The following RALYL variants were observed in gnomAD, a reference collection of about 807,000 sequenced individuals.
RALYL encodes the protein RALY RNA binding protein like, also known as RNA-binding Raly-like protein.
RALYL carries 29 observed loss-of-function variants against 35.1 expected under a neutral mutation model. The ratio of observed to expected loss-of-function variants is 0.83; its 90% confidence interval spans 0.61 to 1.13. The LOEUF (loss-of-function observed/expected upper bound fraction) is 1.13, where lower values mean the gene tolerates loss of function less well. Ranked by LOEUF, RALYL falls within the 50% of genes most tolerant of loss-of-function variation. RALYL has a pLI of 0.00. For synonymous variants in RALYL, 120 were observed against 127.6 expected (o/e 0.94, Z 0.40); for missense variants, 359 against 360.4 (o/e 1.00, Z 0.03).
At chr8:84,599,820 C>T (rs1421103908) in intron 2 of RALYL, among the ~76,000 whole-genome samples, 1 of 151,380 alleles carries the variant, frequency 6.6e-6, no homozygotes, top group African/African-American at 2.4e-5. Flanking sequence ...CTTTTTAGAT[C>T]TCTTTTTCTT....
At chr8:84,327,841 TA>T (rs1232448337) in intron 1 of RALYL, among the ~76,000 whole-genome samples, 1 of 152,224 alleles carries the variant, frequency 6.6e-6, no homozygotes, top group Non-Finnish European at 1.5e-5. Flanking sequence ...TGCTCTTTTT[TA>T]AATCTTTAAT....
At chr8:84,537,474 CAA>C (rs397978512) in intron 2 of RALYL, among the ~76,000 whole-genome samples, 43 of 84,852 alleles carry the variant, frequency 5.1e-4, no homozygotes, top group Non-Finnish European at 7.0e-4. Context: ...AATCCTGTCT[CAA>C]AAAAAAAAAA....
intron 1 of RALYL, among the ~76,000 whole-genome samples, chr8:84,521,168 G>A (rs1035121321): frequency 6.6e-6 from 1 of 152,070 alleles, no homozygotes; most frequent in Non-Finnish European, 1.5e-5. Context: ...TCCCATAATA[G>A]GAATTGTGCC....
intron 8 of RALYL, among the ~76,000 whole-genome samples, chr8:84,901,906 A>G (rs1426133361): frequency 1.3e-5 from 2 of 152,204 alleles, no homozygotes; most frequent in Admixed American, 6.5e-5. Flanking sequence ...GCCTTAGCAT[A>G]GGTAAATAAG....
chr8:84,361,566 C>G (rs1338207589), intron 1 of RALYL, among the ~76,000 whole-genome samples: 1 of 152,112 alleles, frequency 6.6e-6, no homozygotes, highest in Non-Finnish European at 1.5e-5. Context: ...CATAATTCAT[C>G]TGAAAAGCCA....
intron 1 of RALYL, among the ~76,000 whole-genome samples, chr8:84,281,023 A>G (rs756836234): frequency 3.9e-5 from 6 of 152,130 alleles, no homozygotes; most frequent in Non-Finnish European, 7.4e-5. Context: ...ACCAGGATAG[A>G]TGCTTGTGTG....
At chr8:84,397,093 A>C (rs1204726889) in intron 1 of RALYL, among the ~76,000 whole-genome samples, 1 of 152,172 alleles carries the variant, frequency 6.6e-6, no homozygotes, top group East Asian at 1.9e-4. Flanking sequence ...CCAGAGGATC[A>C]AAGACAGAAG....
At chr8:84,751,228 G>A (rs1356273599) in intron 2 of RALYL, among the ~76,000 whole-genome samples, 1 of 151,696 alleles carries the variant, frequency 6.6e-6, no homozygotes, top group Non-Finnish European at 1.5e-5. Flanking sequence ...TTTTTTTTTA[G>A]ACTGAGTCTC....
At chr8:84,736,652 T>G (rs1369496117) in intron 2 of RALYL, among the ~76,000 whole-genome samples, 2 of 152,084 alleles carry the variant, frequency 1.3e-5, no homozygotes, top group Non-Finnish European at 2.9e-5. Context: ...TTTGAAATGC[T>G]TAGAGGTCTA....
At chr8:84,595,304 G>A (rs976134187) in intron 2 of RALYL, among the ~76,000 whole-genome samples, 2 of 152,112 alleles carry the variant, frequency 1.3e-5, no homozygotes, top group Admixed American at 1.3e-4. Context: ...ATTAAGAGAA[G>A]AGCATTGTTG....
intron 2 of RALYL, among the ~76,000 whole-genome samples, chr8:84,652,549 GA>G (rs151142927): frequency 2.1e-3 from 322 of 152,092 alleles, no homozygotes; most frequent in African/African-American, 7.2e-3. Context: ...TCTGTGCTTA[GA>G]TCCCATTTTT....
chr8:84,528,988 A>T lies in RALYL; in HGVS notation c.-23-311A>T, dbSNP rs545931018. On this transcript the variant is annotated intron_variant, in intron 1 of 8. Transcript: ENST00000521268. ...TGATAGAATAAGGCAGATTTTCCTC[A>T]AACTTTCTTTTGCAAAATAGTTAGA... is the stretch of plus-strand genomic sequence containing the variant. 8.5e-4 allele frequency among the ~76,000 whole-genome samples: 129 copies of T among 152,306 alleles called. 2 individuals carry two copies. In the South Asian group the frequency reaches 8.7e-3, roughly 10 times the overall value.
intron 1 of RALYL, among the ~76,000 whole-genome samples, chr8:84,469,617 G>A (rs898232612): frequency 6.6e-6 from 1 of 152,222 alleles, no homozygotes; most frequent in Non-Finnish European, 1.5e-5. Flanking sequence ...GCCCCCAGAG[G>A]TGGAGCCTAC....
At chr8:84,334,144 C>T (rs1239822978) in intron 1 of RALYL, among the ~76,000 whole-genome samples, 1 of 152,034 alleles carries the variant, frequency 6.6e-6, no homozygotes, top group Non-Finnish European at 1.5e-5. Context: ...TCAGCCTCCC[C>T]AAGTGCTGGG....
chr8:84,655,082 G>A (rs1829698529), intron 2 of RALYL, among the ~76,000 whole-genome samples: 1 of 151,966 alleles, frequency 6.6e-6, no homozygotes, highest in African/African-American at 2.4e-5. Context: ...TTTCCTTTCT[G>A]CTACATGCTC....
At chr8:84,184,771 A>C in intron 1 of RALYL, 6 of 417,422 alleles carry the variant, frequency 1.4e-5, no homozygotes, top group Admixed American at 3.9e-5. Flanking sequence ...AAGTTCTCCG[A>C]GGGCCACTTG....
At chr8:84,889,364 T>G (rs1843441057) in intron 8 of RALYL, among the ~76,000 whole-genome samples, 1 of 152,186 alleles carries the variant, frequency 6.6e-6, no homozygotes. Context: ...CAATGGTTAC[T>G]TCTCTGTTCT....
rs183048180 is a variant in RALYL, at chr8:84,282,700, G to A, written c.-24+98276G>A. Among the ~76,000 whole-genome samples the A allele has an allele frequency of 4.8e-5, 5 of 104,852 alleles. No homozygotes were observed. The East Asian group carries it at 1.4e-3, about 30-fold the overall frequency. The allele number at this position is 104,852 out of a possible 152,430, so 68.8% of individuals were successfully genotyped here. ...GATATCTAAGCAAGAATTAAAACGT[G>A]TGTACATATATATGTGTGTATATAT... On this transcript the variant is annotated intron_variant, in intron 1 of 8. Transcript: ENST00000521268.
At chr8:84,464,439 A>G (rs537307013) in intron 1 of RALYL, among the ~76,000 whole-genome samples, 118 of 150,628 alleles carry the variant, frequency 7.8e-4, no homozygotes, top group African/African-American at 2.8e-3. Flanking sequence ...ATGATTTCCA[A>G]TTTCATCCAT....
Sources: gnomAD v4.1 joint callset for allele counts (sites outside exome capture counted in the v4.1 genomes callset) on GRCh38, gnomAD v4.1.1 for gene constraint, MANE v1.5 for transcripts, NCBI Gene and HGNC (gene_info 2026-07-23, HGNC 2026-07-21) for gene names.